GATAD2B: variants seen among roughly 807,000 people sequenced by gnomAD.
GATAD2B encodes the protein GATA zinc finger domain containing 2B, also known as transcriptional repressor p66-beta.
Under a neutral mutation model 64.3 loss-of-function variants are expected in GATAD2B, and 8 were observed. That is an observed-to-expected ratio of 0.12 (90% CI 0.07 to 0.22). The LOEUF (loss-of-function observed/expected upper bound fraction) is 0.22, where lower values mean the gene tolerates loss of function less well. Ranked by LOEUF, GATAD2B falls within the 10% of genes least tolerant of loss-of-function variation. The pLI is 1.00. For missense variants in GATAD2B, 453 were observed against 752.0 expected (o/e 0.60, Z 4.65); for synonymous variants, 281 against 271.3 (o/e 1.04, Z -0.35).
chr1:153,863,168 T>C (rs1249119533), intron 1 of GATAD2B, among the ~76,000 whole-genome samples: 2 of 152,134 alleles, frequency 1.3e-5, no homozygotes, highest in Non-Finnish European at 2.9e-5. Flanking sequence ...GAATGACTGC[T>C]CCAAACTTTC....
intron 1 of GATAD2B, among the ~76,000 whole-genome samples, chr1:153,860,030 C>T (rs1676227914): frequency 6.7e-6 from 1 of 149,578 alleles, no homozygotes; most frequent in Non-Finnish European, 1.5e-5. Context: ...ATTCTCCTGC[C>T]TCAGTCTCCC....
chr1:153,867,653 A>G (rs1389337595), intron 1 of GATAD2B, among the ~76,000 whole-genome samples: 5 of 152,126 alleles, frequency 3.3e-5, no homozygotes, highest in Admixed American at 2.0e-4. Flanking sequence ...TGAGGTCAGG[A>G]GTTCAAGACC....
intron 1 of GATAD2B, among the ~76,000 whole-genome samples, chr1:153,863,665 T>C (rs1676386534): frequency 6.6e-6 from 1 of 151,830 alleles, no homozygotes; most frequent in Admixed American, 6.6e-5. Flanking sequence ...CGCTCTGTCT[T>C]CAGGCTGGAG....
intron 1 of GATAD2B, among the ~76,000 whole-genome samples, chr1:153,843,664 A>C (rs1294610259): frequency 1.3e-5 from 2 of 152,020 alleles, no homozygotes; most frequent in Non-Finnish European, 2.9e-5. Flanking sequence ...CCACAGCAGG[A>C]ATATACAATT....
intron 1 of GATAD2B, among the ~76,000 whole-genome samples, chr1:153,902,620 A>G (rs919400375): frequency 6.6e-6 from 1 of 151,592 alleles, no homozygotes; most frequent in Non-Finnish European, 1.5e-5. Flanking sequence ...ATACCCTGCT[A>G]AGTTTTCTTA....
At chr1:153,858,701 A>T (rs1053820748) in intron 1 of GATAD2B, among the ~76,000 whole-genome samples, 1 of 152,182 alleles carries the variant, frequency 6.6e-6, no homozygotes, top group African/African-American at 2.4e-5. Context: ...ACTACACTCC[A>T]GCCTAGGTGA....
At chr1:153,875,948 G>A (rs1676813540) in intron 1 of GATAD2B, among the ~76,000 whole-genome samples, 1 of 151,774 alleles carries the variant, frequency 6.6e-6, no homozygotes, top group Non-Finnish European at 1.5e-5. Flanking sequence ...CACAGTCCAG[G>A]CCAGGCACAG....
chr1:153,829,191 G>A (rs1214983682), intron 1 of GATAD2B, among the ~76,000 whole-genome samples: 2 of 152,084 alleles, frequency 1.3e-5, no homozygotes, highest in African/African-American at 2.4e-5. Flanking sequence ...GCGATACAGC[G>A]AGGCTCTCTC....
At chr1:153,852,393 G>C in intron 1 of GATAD2B, 1 of 807,972 alleles carries the variant, frequency 1.2e-6, no homozygotes, top group South Asian at 1.3e-5. Context: ...CCTGACCTTG[G>C]ATGTTCTGTG....
chr1:153,861,958 C>G (rs1478347984), intron 1 of GATAD2B, among the ~76,000 whole-genome samples: 1 of 149,770 alleles, frequency 6.7e-6, no homozygotes, highest in Non-Finnish European at 1.5e-5. Context: ...GAAACAATTC[C>G]GCATACTGCA....
intron 1 of GATAD2B, among the ~76,000 whole-genome samples, chr1:153,864,400 T>C (rs974635838): frequency 5.3e-5 from 8 of 152,186 alleles, no homozygotes; most frequent in African/African-American, 1.9e-4. Context: ...GAGGAGAGCC[T>C]AAGCTCAGAA....
intron 1 of GATAD2B, among the ~76,000 whole-genome samples, chr1:153,903,074 C>T (rs925036496): frequency 4.6e-5 from 7 of 151,934 alleles, no homozygotes; most frequent in African/African-American, 1.5e-4. Flanking sequence ...AAAAATTAGC[C>T]GGGCGTGGTG....
rs1236017143 is a variant in GATAD2B at position 153,809,101 on chromosome 1, TGACTC to T, written c.*1071_*1075del. ...AAGTCTATTTCCTCCTGTTGTCACT[TGACTC>T]ATTTATGTCCACCCAACTTGTGGGA... On this transcript the variant is annotated 3_prime_UTR_variant, in exon 11 of 11. Coordinates refer to ENST00000368655, the MANE Select transcript of GATAD2B (RefSeq NM_020699.4). 1.3e-5 allele frequency: 2 copies of T among 152,188 alleles called. No individual in the cohort carries two copies. Among genetic ancestry groups the T allele is most frequent in the Non-Finnish European group, 2.9e-5 (2 of 68,038 alleles). The allele number at this position is 152,188 out of a possible 1,614,324, so 9.4% of individuals were successfully genotyped here.
At chr1:153,877,887 TA>T (rs36032008) in intron 1 of GATAD2B, among the ~76,000 whole-genome samples, 14,198 of 110,742 alleles carry the variant, frequency 0.13, 869 homozygotes, top group East Asian at 0.2. Context: ...CAAAAAAACT[TA>T]AAAAAAAAAA....
intron 1 of GATAD2B, chr1:153,852,717 G>A (rs138776364): frequency 2.9e-5 from 27 of 932,242 alleles, no homozygotes; most frequent in Middle Eastern, 4.7e-4. Flanking sequence ...CTGCTCATAC[G>A]AAGTGAAGCT....
chr1:153,862,658 C>A (rs1377370033), intron 1 of GATAD2B, among the ~76,000 whole-genome samples: 3 of 151,852 alleles, frequency 2.0e-5, no homozygotes, highest in Non-Finnish European at 4.4e-5. Flanking sequence ...AAGATAAGCA[C>A]AGAAATTGAG....
At position 153,898,583 on chromosome 1, in the gene GATAD2B, T is replaced by C. The variant is rs1018611635; in HGVS notation, c.-2+24150A>G. Reference sequence around the variant, plus strand: ...TCTACTAAACATACAAAAAAAAAATTAGCCAGGTGTGCCAGTGCACGCCTG... The same window carrying C: ...TCTACTAAACATACAAAAAAAAAATCAGCCAGGTGTGCCAGTGCACGCCTG... On this transcript the variant is annotated intron_variant, in intron 1 of 10. Coordinates refer to ENST00000368655, the MANE Select transcript of GATAD2B (RefSeq NM_020699.4). 7.2e-5 allele frequency among the ~76,000 whole-genome samples: 11 copies of C among 151,820 alleles called. No individual in the cohort carries two copies. The East Asian group carries it at 1.7e-3, about 24-fold the overall frequency.
intron 1 of GATAD2B, among the ~76,000 whole-genome samples, chr1:153,903,723 C>T (rs1017852911): frequency 1.3e-5 from 2 of 152,204 alleles, no homozygotes; most frequent in African/African-American, 4.8e-5. Context: ...GGGGCTCACA[C>T]CTGTAATCCC....
chr1:153,905,235 C>T (rs559623785), intron 1 of GATAD2B, among the ~76,000 whole-genome samples: 23 of 151,864 alleles, frequency 1.5e-4, no homozygotes, highest in Admixed American at 5.9e-4. Context: ...ATTAGCCGGG[C>T]GTGGTGGCAG....
Sources: gnomAD v4.1 joint callset for allele counts (sites outside exome capture counted in the v4.1 genomes callset) on GRCh38, gnomAD v4.1.1 for gene constraint, MANE v1.5 for transcripts, NCBI Gene and HGNC (gene_info 2026-07-23, HGNC 2026-07-21) for gene names.